Variants in ARL15 observed in about 807,000 individuals in gnomAD.
ARL15 encodes ADP-ribosylation factor-like protein 15.
ARL15 carries 19 observed loss-of-function variants against 25.2 expected under a neutral mutation model. The observed-to-expected ratio is 0.75, with a 90% CI of 0.53 to 1.10. ARL15 has a LOEUF of 1.10. ARL15 is among the 50% of genes least tolerant of loss of function. The pLI is 0.00. For missense variants in ARL15, 220 were observed against 246.0 expected (o/e 0.89, Z 0.71); for synonymous variants, 94 against 86.8 (o/e 1.08, Z -0.46).
intron 1 of ARL15, among the ~76,000 whole-genome samples, chr5:54,230,457 C>T (rs1376191354): frequency 1.3e-5 from 2 of 152,020 alleles, no homozygotes; most frequent in Non-Finnish European, 2.9e-5. Flanking sequence ...CCTGAATGGC[C>T]TTTCCCAACC....
intron 4 of ARL15, among the ~76,000 whole-genome samples, chr5:54,091,023 T>C (rs1394007679): frequency 6.6e-6 from 1 of 152,046 alleles, no homozygotes; most frequent in Non-Finnish European, 1.5e-5. Context: ...AAATTTCCTC[T>C]AAAATTTTTA....
chr5:54,208,212 C>T (rs998016948), intron 1 of ARL15, among the ~76,000 whole-genome samples: 1 of 152,144 alleles, frequency 6.6e-6, no homozygotes, highest in African/African-American at 2.4e-5. Context: ...ATAAATCTCA[C>T]TCTTGCACAC....
rs553553525 is a variant in ARL15, at chr5:54,216,140, A to C, written c.49-44212T>G. The stretch of plus-strand genomic sequence containing the variant: ...CACGAAGAAACTTTACTTCTCGCAA[A>C]TATTTAACAGGCATAAATGAATACT... On this transcript the variant is annotated intron_variant, in intron 1 of 4. Transcript: ENST00000504924. 2.0e-5 allele frequency among the ~76,000 whole-genome samples: 3 copies of C among 152,316 alleles called. No homozygotes were observed. The South Asian group carries it at 6.2e-4, about 32-fold the overall frequency.
intron 3 of ARL15, among the ~76,000 whole-genome samples, chr5:54,118,124 C>T (rs913153435): frequency 4.6e-5 from 7 of 152,102 alleles, no homozygotes; most frequent in African/African-American, 1.4e-4. Context: ...ACAAAAAGTT[C>T]CCTGATAAGT....
intron 2 of ARL15, among the ~76,000 whole-genome samples, chr5:54,156,664 C>T (rs1268865854): frequency 2.0e-5 from 3 of 152,166 alleles, no homozygotes; most frequent in Admixed American, 2.0e-4. Context: ...GTCTGCTGCA[C>T]AGAAAGGATG....
At chr5:54,251,953 GACA>G (rs1219391191) in intron 1 of ARL15, among the ~76,000 whole-genome samples, 2 of 152,216 alleles carry the variant, frequency 1.3e-5, no homozygotes, top group African/African-American at 4.8e-5. Context: ...AATCAAAGTT[GACA>G]ACCAGTGAAG....
At chr5:53,915,976 G>A (rs1745632432) in intron 4 of ARL15, among the ~76,000 whole-genome samples, 2 of 152,140 alleles carry the variant, frequency 1.3e-5, no homozygotes, top group Middle Eastern at 3.2e-3. Flanking sequence ...GCATGGTCAT[G>A]GCTCACTGCA....
At chr5:54,255,428 T>G (rs1157592111) in intron 1 of ARL15, among the ~76,000 whole-genome samples, 1 of 152,228 alleles carries the variant, frequency 6.6e-6, no homozygotes, top group Non-Finnish European at 1.5e-5. Flanking sequence ...ATAATTACTA[T>G]TAACTTAATA....
chr5:54,104,936 T>C (rs1270213009), intron 4 of ARL15, among the ~76,000 whole-genome samples: 1 of 152,010 alleles, frequency 6.6e-6, no homozygotes, highest in Admixed American at 6.5e-5. Context: ...GTGCATTATG[T>C]CTCAAATCCT....
At chr5:54,068,861 T>C (rs1390138029) in intron 4 of ARL15, among the ~76,000 whole-genome samples, 1 of 152,230 alleles carries the variant, frequency 6.6e-6, no homozygotes, top group African/African-American at 2.4e-5. Context: ...ACTTCACTGC[T>C]TGACTTCTTA....
rs1188213042 is a variant in ARL15 at position 54,275,935 on chromosome 5, C to T, written c.48+34497G>A. ...GTCTCGATCTCCTGACCTCGTGATC[C>T]GCCCACCTCGGCCTCCCAAAGAGAG... On this transcript the variant is annotated intron_variant, in intron 1 of 4. Coordinates refer to ENST00000504924, the MANE Select transcript of ARL15 (RefSeq NM_019087.3). Among the ~76,000 whole-genome samples, 12 of 151,378 alleles carry T rather than the reference C, an allele frequency of 7.9e-5. No homozygotes were observed. In the South Asian group the frequency reaches 1.5e-3, roughly 18 times the overall value.
chr5:54,145,628 G>A (rs543479516), intron 3 of ARL15, among the ~76,000 whole-genome samples: 6 of 152,132 alleles, frequency 3.9e-5, no homozygotes, highest in East Asian at 1.9e-4. Context: ...GTGTGTGTGC[G>A]TGCGTGTGTG....
intron 1 of ARL15, among the ~76,000 whole-genome samples, chr5:54,258,340 A>T (rs1212716123): frequency 6.6e-6 from 1 of 151,966 alleles, no homozygotes; most frequent in Non-Finnish European, 1.5e-5. Flanking sequence ...AAAGAAATCA[A>T]CCCATCCTCC....
chr5:54,273,228 G>A (rs1376237522), intron 1 of ARL15, among the ~76,000 whole-genome samples: 4 of 152,160 alleles, frequency 2.6e-5, no homozygotes, highest in Non-Finnish European at 5.9e-5. Flanking sequence ...TACAGTCCAT[G>A]AATTTGGGGT....
At chr5:54,204,821 G>A (rs1159691244) in intron 1 of ARL15, among the ~76,000 whole-genome samples, 5 of 152,044 alleles carry the variant, frequency 3.3e-5, no homozygotes, top group African/African-American at 4.8e-5. Context: ...AGTAGTTATC[G>A]CTCAGAATCC....
At chr5:53,957,574 G>A (rs1235118874) in intron 4 of ARL15, among the ~76,000 whole-genome samples, 2 of 151,856 alleles carry the variant, frequency 1.3e-5, no homozygotes, top group African/African-American at 4.8e-5. Flanking sequence ...GGTGATTTAT[G>A]CCTATAATCC....
chr5:54,285,741 T>A (rs1355009942), intron 1 of ARL15, among the ~76,000 whole-genome samples: 1 of 152,176 alleles, frequency 6.6e-6, no homozygotes, highest in African/African-American at 2.4e-5. Context: ...GTAAAACCCC[T>A]TCGAATGAGG....
At chr5:54,122,275 T>G (rs764707910) in intron 3 of ARL15, among the ~76,000 whole-genome samples, 4 of 152,206 alleles carry the variant, frequency 2.6e-5, no homozygotes, top group Non-Finnish European at 5.9e-5. Context: ...ATTTCTCCCC[T>G]TCAGACAAAA....
At chr5:53,978,742 T>C (rs1286702794) in intron 4 of ARL15, among the ~76,000 whole-genome samples, 1 of 151,564 alleles carries the variant, frequency 6.6e-6, no homozygotes, top group African/African-American at 2.4e-5. Flanking sequence ...TACACACACA[T>C]ATATATTTTA....
Sources: allele counts gnomAD v4.1 joint callset (sites outside exome capture counted in the v4.1 genomes callset), GRCh38; gene constraint gnomAD v4.1.1; transcripts MANE v1.5; gene names NCBI Gene and HGNC (gene_info 2026-07-23, HGNC 2026-07-21).